Variants in TCF7L2 observed in about 807,000 individuals in gnomAD.
TCF7L2 encodes transcription factor 7 like 2.
Under a neutral mutation model 77.9 loss-of-function variants are expected in TCF7L2, and 23 were observed. The ratio of observed to expected loss-of-function variants is 0.30; its 90% CI spans 0.21 to 0.42. TCF7L2 has a LOEUF of 0.42. Ranked by LOEUF, TCF7L2 falls within the 10% of genes least tolerant of loss-of-function variation. The pLI, the probability that TCF7L2 is intolerant of heterozygous loss-of-function variation, is 1.00. For synonymous variants in TCF7L2, 413 were observed against 340.2 expected (o/e 1.21, Z -2.36); for missense variants, 654 against 793.1 (o/e 0.82, Z 2.11).
At chr10:113,124,130 G>A (rs1047243756) in intron 5 of TCF7L2, among the ~76,000 whole-genome samples, 14 of 152,040 alleles carry the variant, frequency 9.2e-5, no homozygotes, top group Non-Finnish European at 2.1e-4. Flanking sequence ...CTTTTTTTGG[G>A]CAAAAGGGGA....
At chr10:113,064,272 C>T (rs1378153359) in intron 5 of TCF7L2, among the ~76,000 whole-genome samples, 1 of 152,150 alleles carries the variant, frequency 6.6e-6, no homozygotes, top group Admixed American at 6.5e-5. Flanking sequence ...GGGCCAGGCC[C>T]AAATGGTGGC....
At chr10:113,061,327 G>A (rs2056404983) in intron 5 of TCF7L2, among the ~76,000 whole-genome samples, 1 of 152,206 alleles carries the variant, frequency 6.6e-6, no homozygotes, top group Non-Finnish European at 1.5e-5. Flanking sequence ...CTGGGACAGA[G>A]TGTATTCTGA....
chr10:113,143,321 C>T (rs1195174090), intron 6 of TCF7L2, among the ~76,000 whole-genome samples: 2 of 152,278 alleles, frequency 1.3e-5, no homozygotes, highest in Non-Finnish European at 2.9e-5. Context: ...AAGCCTCCAA[C>T]ACCTCCTTGT....
intron 4 of TCF7L2, among the ~76,000 whole-genome samples, chr10:112,972,035 T>A (rs1429343929): frequency 6.6e-6 from 1 of 152,034 alleles, no homozygotes; most frequent in Non-Finnish European, 1.5e-5. Context: ...ATTCTCCTGC[T>A]TTAGCCTCCC....
chr10:113,087,340 C>T (rs1202754209), intron 5 of TCF7L2, among the ~76,000 whole-genome samples: 3 of 152,224 alleles, frequency 2.0e-5, no homozygotes. Context: ...GGTAACTCTG[C>T]CTCTTTGCTC....
intron 4 of TCF7L2, among the ~76,000 whole-genome samples, chr10:113,000,919 A>G (rs751778627): frequency 6.6e-6 from 1 of 152,002 alleles, no homozygotes; most frequent in South Asian, 2.1e-4. Flanking sequence ...CCCACCCTTC[A>G]CTTCCCGGCC....
chr10:113,159,640 T>G (rs1420260499), intron 12 of TCF7L2, among the ~76,000 whole-genome samples: 1 of 152,076 alleles, frequency 6.6e-6, no homozygotes, highest in East Asian at 1.9e-4. Context: ...GAGACAGTCC[T>G]TAAAGAAGGG....
chr10:113,127,103 T>A, intron 5 of TCF7L2: 1 of 211,784 alleles, frequency 4.7e-6, no homozygotes, highest in Non-Finnish European at 8.2e-6. Flanking sequence ...AGCCTCTCTT[T>A]AAAACAAAAC....
At chr10:113,095,718 T>C (rs1459602645) in intron 5 of TCF7L2, among the ~76,000 whole-genome samples, 3 of 152,162 alleles carry the variant, frequency 2.0e-5, no homozygotes, top group Non-Finnish European at 4.4e-5. Context: ...ACGCTATCCT[T>C]TTCATTTTGT....
chr10:112,994,052 C>T (rs2043050771), intron 4 of TCF7L2, among the ~76,000 whole-genome samples: 1 of 132,668 alleles, frequency 7.5e-6, no homozygotes, highest in Admixed American at 7.2e-5. Context: ...GAGACTCTGT[C>T]TCAAAAAAAA....
At chr10:113,049,746 A>G (rs1186347022) in intron 5 of TCF7L2, among the ~76,000 whole-genome samples, 2 of 152,180 alleles carry the variant, frequency 1.3e-5, no homozygotes, top group East Asian at 3.9e-4. Context: ...GCAGCGATGA[A>G]CAGATATTTT....
At chr10:112,963,283 A>AT (rs1480665328) in intron 3 of TCF7L2, among the ~76,000 whole-genome samples, 3 of 151,882 alleles carry the variant, frequency 2.0e-5, no homozygotes, top group South Asian at 2.1e-4. Flanking sequence ...TTCTTATGTG[A>AT]TTTTTTCCAC....
chr10:113,047,017 C>T (rs188214741), intron 5 of TCF7L2, among the ~76,000 whole-genome samples: 4 of 152,246 alleles, frequency 2.6e-5, no homozygotes, highest in African/African-American at 9.6e-5. Context: ...TTAATGACCA[C>T]ATAACAGTCC....
rs1018271962 is a variant in TCF7L2, at chr10:113,049,813, G to T, written c.552+9687G>T. ...GAGACCCAAGAGCTTAGAATGGAGA[G>T]CCTAGATGCCACTAAGCCCAGGCAC... On this transcript the variant is annotated intron_variant, in intron 5 of 13. Coordinates refer to ENST00000627217, the MANE Select transcript of TCF7L2 (RefSeq NM_001146274.2). Among the ~76,000 whole-genome samples the T allele has an allele frequency of 4.6e-5, 7 of 152,302 alleles. No individual in the cohort carries two copies. In the East Asian group the frequency reaches 1.4e-3, roughly 29 times the overall value.
chr10:113,010,581 C>T (rs1195106618), intron 4 of TCF7L2, among the ~76,000 whole-genome samples: 1 of 152,190 alleles, frequency 6.6e-6, no homozygotes, highest in Non-Finnish European at 1.5e-5. Flanking sequence ...GTAGACAAGA[C>T]AACTGAATCT....
intron 5 of TCF7L2, among the ~76,000 whole-genome samples, chr10:113,120,107 T>A (rs1240536892): frequency 2.6e-5 from 4 of 152,192 alleles, no homozygotes; most frequent in African/African-American, 9.6e-5. Flanking sequence ...GACCAGAGGC[T>A]CCGCCAATAA....
chr10:113,069,010 C>A (rs2057613861), intron 5 of TCF7L2, among the ~76,000 whole-genome samples: 1 of 151,648 alleles, frequency 6.6e-6, no homozygotes, highest in Non-Finnish European at 1.5e-5. Flanking sequence ...GCATCACCAA[C>A]TGCTGTTCAT....
chr10:113,155,548 C>T (rs533258568), intron 11 of TCF7L2, among the ~76,000 whole-genome samples: 3 of 152,322 alleles, frequency 2.0e-5, no homozygotes, highest in South Asian at 4.2e-4. Flanking sequence ...CAGTAGTCAA[C>T]ATCTCCGTGC....
intron 4 of TCF7L2, among the ~76,000 whole-genome samples, chr10:113,028,540 C>T (rs760726262): frequency 5.3e-5 from 8 of 152,036 alleles, no homozygotes; most frequent in Non-Finnish European, 1.2e-4. Context: ...TCCAATGTGA[C>T]AAGGGGAAAA....
Sources: gnomAD v4.1 joint callset for allele counts (sites outside exome capture counted in the v4.1 genomes callset) on GRCh38, gnomAD v4.1.1 for gene constraint, MANE v1.5 for transcripts, NCBI Gene and HGNC (gene_info 2026-07-23, HGNC 2026-07-21) for gene names.